The following NRG3 variants were observed in gnomAD, a reference collection of about 807,000 sequenced individuals.
NRG3 encodes the protein neuregulin 3, also known as pro-neuregulin-3, membrane-bound isoform.
In NRG3, 31 loss-of-function variants were observed where a neutral mutation model predicts 66.9. That is an observed-to-expected ratio of 0.46 (90% CI 0.35 to 0.63). The LOEUF (loss-of-function observed/expected upper bound fraction) is 0.63. NRG3 is among the 20% of genes least tolerant of loss of function. The probability of loss-of-function intolerance (pLI) is 0.00; values close to 1 mark genes in which losing one functional copy is unlikely to be tolerated. For synonymous variants in NRG3, 393 were observed against 359.4 expected (o/e 1.09, Z -1.06); for missense variants, 910 against 878.9 (o/e 1.04, Z -0.45).
At chr10:82,240,408 G>A (rs1024496918) in intron 1 of NRG3, among the ~76,000 whole-genome samples, 2 of 152,090 alleles carry the variant, frequency 1.3e-5, no homozygotes, top group Admixed American at 1.3e-4. Flanking sequence ...AGCATTATAT[G>A]ATTTTAATAG....
At chr10:82,241,025 G>A (rs901630539) in intron 1 of NRG3, among the ~76,000 whole-genome samples, 24 of 152,066 alleles carry the variant, frequency 1.6e-4, no homozygotes, top group African/African-American at 5.6e-4. Context: ...CACACATGTT[G>A]GAGATGAAAT....
chr10:82,905,248 G>A (rs1459223883), intron 4 of NRG3, among the ~76,000 whole-genome samples: 1 of 152,004 alleles, frequency 6.6e-6, no homozygotes, highest in Admixed American at 6.6e-5. Context: ...GTTCACACTG[G>A]CCTTGTATTT....
At chr10:82,632,603 A>G (rs1248950838) in intron 2 of NRG3, among the ~76,000 whole-genome samples, 1 of 152,050 alleles carries the variant, frequency 6.6e-6, no homozygotes. Flanking sequence ...TTTTTCTGGT[A>G]GTTGGTAATC....
intron 1 of NRG3, among the ~76,000 whole-genome samples, chr10:82,084,465 T>C (rs915436615): frequency 6.6e-6 from 1 of 151,544 alleles, no homozygotes; most frequent in Non-Finnish European, 1.5e-5. Context: ...TTTGAGACTG[T>C]AATTTAGCTA....
intron 6 of NRG3, among the ~76,000 whole-genome samples, chr10:82,962,953 G>A (rs1819683452): frequency 6.6e-6 from 1 of 152,166 alleles, no homozygotes; most frequent in Non-Finnish European, 1.5e-5. Context: ...CTCTGGTAAA[G>A]CCCACACTTC....
chr10:81,912,168 GGTATAT>G (rs1262756828), intron 1 of NRG3, among the ~76,000 whole-genome samples: 1 of 152,022 alleles, frequency 6.6e-6, no homozygotes, highest in African/African-American at 2.4e-5. Flanking sequence ...TGGGGATGTA[GGTATAT>G]GTGAGTGTAT....
At position 82,339,859 on chromosome 10, in the gene NRG3, T is replaced by C. The variant is rs947850018; in HGVS notation, c.824-18880T>C. 2.0e-5 allele frequency among the ~76,000 whole-genome samples: 3 copies of C among 152,140 alleles called. 1 individual carries two copies. Among genetic ancestry groups the C allele is most frequent in the Admixed American group, 1.3e-4 (2 of 15,278 alleles). On this transcript the variant is annotated intron_variant, in intron 1 of 8. Coordinates refer to ENST00000372141, the MANE Select transcript of NRG3 (RefSeq NM_001010848.4). ...TGTATCCTTTCCACTTGATTTAGCATTTCTTTATCTTCTGTCGTGCAGCTA... is the reference window on the plus strand; with the variant it reads ...TGTATCCTTTCCACTTGATTTAGCACTTCTTTATCTTCTGTCGTGCAGCTA...
chr10:82,868,809 C>G (rs1334209428), intron 4 of NRG3, among the ~76,000 whole-genome samples: 1 of 152,160 alleles, frequency 6.6e-6, no homozygotes, highest in African/African-American at 2.4e-5. Flanking sequence ...TCTCCTGCCT[C>G]AGCCTCCCAA....
chr10:82,959,963 A>C (rs1850458068), intron 6 of NRG3, among the ~76,000 whole-genome samples: 1 of 152,202 alleles, frequency 6.6e-6, no homozygotes, highest in Non-Finnish European at 1.5e-5. Context: ...GCACTTTCAG[A>C]ATCTGAGGCA....
chr10:82,214,684 G>T (rs2075574351), intron 1 of NRG3, among the ~76,000 whole-genome samples: 1 of 152,068 alleles, frequency 6.6e-6, no homozygotes, highest in Non-Finnish European at 1.5e-5. Context: ...TGCCCAGGCT[G>T]GTCTGGAACT....
At chr10:82,897,708 C>G (rs1237863280) in intron 4 of NRG3, among the ~76,000 whole-genome samples, 1 of 151,964 alleles carries the variant, frequency 6.6e-6, no homozygotes, top group Non-Finnish European at 1.5e-5. Flanking sequence ...TTAGTAGAGA[C>G]AGGGTTTCAC....
intron 2 of NRG3, among the ~76,000 whole-genome samples, chr10:82,529,204 C>T (rs776748487): frequency 3.3e-5 from 5 of 152,144 alleles, no homozygotes; most frequent in Admixed American, 3.3e-4. Flanking sequence ...TTCTCAAATG[C>T]GACTAAGGAC....
At chr10:82,378,869 C>G (rs928800071) in intron 2 of NRG3, among the ~76,000 whole-genome samples, 1 of 152,156 alleles carries the variant, frequency 6.6e-6, no homozygotes. Context: ...CCGCGCCTGG[C>G]TGCTGATGGA....
At position 81,875,589 on chromosome 10, in the gene NRG3, C is replaced by A. The variant is rs746897760; in HGVS notation, c.249C>A (p.Leu83=). Residue 83 remains leucine, a synonymous_variant, in exon 1 of 9, where the codon CTC becomes CTA. Coordinates refer to ENST00000372141, the MANE Select transcript of NRG3 (RefSeq NM_001010848.4). The surrounding 1 kb of genome is among the most constrained non-coding windows in gnomAD (Gnocchi z 5.3). The part of the protein sequence containing the change: ...FIGFIGLGLS[L]MLLKWIVVGS... ...GCTTCATCGGCCTGGGGCTCAGCCT[C>A]ATGCTTCTCAAATGGATCGTGGTGG... 6.2e-7 allele frequency: 1 copy of A among 1,613,662 alleles called. No homozygotes were observed. Among genetic ancestry groups the A allele is most frequent in the South Asian group, 1.1e-5 (1 of 91,084 alleles).
chr10:82,118,822 C>A (rs1398740687), intron 1 of NRG3, among the ~76,000 whole-genome samples: 4 of 151,996 alleles, frequency 2.6e-5, no homozygotes, highest in African/African-American at 9.7e-5. Flanking sequence ...GTGAGTGACT[C>A]CTGATGAGCC....
chr10:82,023,711 A>G (rs765776607), intron 1 of NRG3, among the ~76,000 whole-genome samples: 2 of 126,082 alleles, frequency 1.6e-5, no homozygotes, highest in Non-Finnish European at 3.3e-5. Context: ...CCATTTGATT[A>G]TGGCAAGTCA....
intron 2 of NRG3, among the ~76,000 whole-genome samples, chr10:82,726,913 G>A (rs962967181): frequency 6.6e-6 from 1 of 152,116 alleles, no homozygotes; most frequent in African/African-American, 2.4e-5. Flanking sequence ...ATGAAGATGA[G>A]AAACTTGTTG....
At chr10:82,492,740 A>G (rs1432327236) in intron 2 of NRG3, among the ~76,000 whole-genome samples, 1 of 152,230 alleles carries the variant, frequency 6.6e-6, no homozygotes, top group Non-Finnish European at 1.5e-5. Context: ...TAGTCCAATA[A>G]AGCTATAAAA....
intron 4 of NRG3, among the ~76,000 whole-genome samples, chr10:82,896,635 G>T (rs534823416): frequency 2.4e-4 from 36 of 152,196 alleles, no homozygotes; most frequent in African/African-American, 8.4e-4. Flanking sequence ...TTTGCTTTTT[G>T]AAAAATTAAA....
Sources: allele counts gnomAD v4.1 joint callset (sites outside exome capture counted in the v4.1 genomes callset), GRCh38; gene constraint gnomAD v4.1.1; non-coding constraint Gnocchi (gnomAD v3.1); transcripts MANE v1.5; gene names NCBI Gene and HGNC (gene_info 2026-07-23, HGNC 2026-07-21).